The following UBE2D1 variants were observed in gnomAD, a reference collection of about 807,000 sequenced individuals.
UBE2D1 encodes the protein ubiquitin-conjugating enzyme E2 D1.
A neutral mutation model predicts 24.6 loss-of-function variants in UBE2D1; 9 were observed. The observed-to-expected ratio is 0.37, with a 90% confidence interval of 0.22 to 0.64. UBE2D1 has a LOEUF of 0.64. Ranked by LOEUF, UBE2D1 falls within the 30% of genes least tolerant of loss-of-function variation. The pLI, the probability that UBE2D1 is intolerant of heterozygous loss-of-function variation, is 0.64. For synonymous variants in UBE2D1, 57 were observed against 57.6 expected, an observed-to-expected ratio of 0.99 and a Z score of 0.04; for missense variants, 87 against 177.1, an observed-to-expected ratio of 0.49 and a Z score of 2.89.
At chr10:58,335,304 C>A in intron 1 of UBE2D1, 79 bp downstream of exon 1, 1 of 1,416,244 alleles carries the variant, frequency 7.1e-7, no homozygotes, top group Non-Finnish European at 9.3e-7. Flanking sequence ...TCCCGAGAGA[C>A]ATGCGGGGAG....
At chr10:58,349,025 T>C (rs1489274458) in intron 1 of UBE2D1, among the ~76,000 whole-genome samples, 1 of 152,212 alleles carries the variant, frequency 6.6e-6, no homozygotes, top group Non-Finnish European at 1.5e-5. Flanking sequence ...AAATTCAGTT[T>C]CAGACCTTTC....
rs1462054678 is a variant in UBE2D1, at chr10:58,359,010, A to AT, written c.25-2325dup. 4.1e-5 allele frequency among the ~76,000 whole-genome samples: 4 copies of AT among 96,456 alleles called. No individual in the cohort carries two copies. In the East Asian group the frequency reaches 7.2e-4, roughly 17 times the overall value. 63.3% of individuals were successfully genotyped at this position (96,456 alleles called of 152,430 possible). On this transcript the variant is annotated intron_variant, in intron 1 of 6. Coordinates refer to ENST00000373910, the MANE Select transcript of UBE2D1 (RefSeq NM_003338.5). ...ACTAGGAAGAGAAACCGCACCAGCT[A>AT]TTTAAAAAAAAAAAAAAAAAAAGCA...
intron 1 of UBE2D1, among the ~76,000 whole-genome samples, chr10:58,347,595 A>G (rs1345909597): frequency 6.6e-6 from 1 of 151,542 alleles, no homozygotes; most frequent in Admixed American, 6.6e-5. Flanking sequence ...CTGAGTAAAT[A>G]ATGTCTGTAA....
chr10:58,369,033 C>A lies in UBE2D1; in HGVS notation c.*268C>A, dbSNP rs1383392583. 1 of 242,512 alleles carries A rather than the reference C, an allele frequency of 4.1e-6. No homozygotes were observed. Among genetic ancestry groups the A allele is most frequent in the Non-Finnish European group, 7.9e-6 (1 of 125,966 alleles). 15.0% of individuals were successfully genotyped at this position (242,512 alleles called of 1,614,324 possible). A position where few individuals can be genotyped will look rare whatever the true frequency, so the allele number is the denominator to read the frequency against. On this transcript the variant is annotated 3_prime_UTR_variant, in exon 7 of 7. Coordinates refer to ENST00000373910, the MANE Select transcript of UBE2D1 (RefSeq NM_003338.5). ...CTTGGACATCTGCATCTTCAGCTTA[C>A]AAGATCTACAATGCAGCTGAAAAGC...
intron 1 of UBE2D1, among the ~76,000 whole-genome samples, chr10:58,357,346 G>C (rs1840142276): frequency 6.6e-6 from 1 of 152,168 alleles, no homozygotes; most frequent in African/African-American, 2.4e-5. Context: ...AGAAAGCATA[G>C]ATCAGGTAGT....
rs1840291424 is a variant in UBE2D1, at chr10:58,369,475, G to A, written c.*710G>A. ...TAATTGCACTGCTAAGTAGGAAGATGTGTAACTTTTATTTGTTGCTATTCA... is the reference window on the plus strand; with the variant it reads ...TAATTGCACTGCTAAGTAGGAAGATATGTAACTTTTATTTGTTGCTATTCA... On this transcript the variant is annotated 3_prime_UTR_variant, in exon 7 of 7. Coordinates refer to ENST00000373910, the MANE Select transcript of UBE2D1 (RefSeq NM_003338.5). The A allele has an allele frequency of 1.3e-5, 2 of 152,518 alleles. No individual in the cohort carries two copies. The highest frequency in any genetic ancestry group is 4.1e-4 in the South Asian group (2 of 4,826). 9.4% of individuals were successfully genotyped at this position (152,518 alleles called of 1,614,324 possible).
chr10:58,336,620 A>T (rs1839906168), intron 1 of UBE2D1, among the ~76,000 whole-genome samples: 1 of 152,230 alleles, frequency 6.6e-6, no homozygotes, highest in South Asian at 2.1e-4. Flanking sequence ...GTTTGAAGGT[A>T]GCGCAATTAC....
chr10:58,340,745 G>C (rs1411855260), intron 1 of UBE2D1, among the ~76,000 whole-genome samples: 1 of 152,100 alleles, frequency 6.6e-6, no homozygotes, highest in African/African-American at 2.4e-5. Flanking sequence ...AAATTTCCTA[G>C]TAGCCACGTT....
chr10:58,346,151 C>A (rs1840013643), intron 1 of UBE2D1, among the ~76,000 whole-genome samples: 1 of 151,972 alleles, frequency 6.6e-6, no homozygotes, highest in South Asian at 2.1e-4. Flanking sequence ...GCTGGGACTA[C>A]AGGCGTGCAC....
rs751137151 is a variant in UBE2D1, at chr10:58,335,161, C to T, written c.-41C>T. On this transcript the variant is annotated 5_prime_UTR_variant, in exon 1 of 7. Coordinates refer to ENST00000373910, the MANE Select transcript of UBE2D1 (RefSeq NM_003338.5). Reference sequence around the variant, plus strand: ...GACCCACGCCCCTGAGCCCCGCAGCCGACCCCTGCCGGCCGGTGTCCCCAC... The same window carrying T: ...GACCCACGCCCCTGAGCCCCGCAGCTGACCCCTGCCGGCCGGTGTCCCCAC... 25 of 1,537,336 alleles carry T rather than the reference C, an allele frequency of 1.6e-5. No homozygotes were observed. The highest frequency in any genetic ancestry group is 2.2e-5 in the Non-Finnish European group (25 of 1,144,858).
rs868793258 is a variant in UBE2D1, at chr10:58,364,844, C to G, written c.272C>G (p.Ser91Ter). The stretch of plus-strand genomic sequence containing the variant: ...AGTATTTGTCTCGATATTCTGAGGT[C>G]ACAATGGTCACCAGCTCTGACTGTA... Reference protein sequence around the residue: ...NGSICLDILRSQWSPALTVSK... With the variant: ...NGSICLDILR Residue 91 changes from serine to a stop codon, truncating the protein, a stop_gained, in exon 5 of 7, where the codon TCA (serine) becomes TGA (stop). Coordinates refer to ENST00000373910, the MANE Select transcript of UBE2D1 (RefSeq NM_003338.5). LOFTEE classifies it high-confidence loss of function. 1 of 1,613,622 alleles carries G rather than the reference C, an allele frequency of 6.2e-7. No homozygotes were observed. Among genetic ancestry groups the G allele is most frequent in the Non-Finnish European group, 8.5e-7 (1 of 1,179,730 alleles).
chr10:58,343,487 C>A (rs1254394822), intron 1 of UBE2D1, among the ~76,000 whole-genome samples: 1 of 151,864 alleles, frequency 6.6e-6, no homozygotes, highest in African/African-American at 2.4e-5. Flanking sequence ...ACATAAGATC[C>A]TTAGGTAAAA....
At chr10:58,365,609 G>C (rs1484829440) in intron 5 of UBE2D1, among the ~76,000 whole-genome samples, 1 of 152,112 alleles carries the variant, frequency 6.6e-6, no homozygotes. Flanking sequence ...TGGATTATCA[G>C]GTGTATACAT....
chr10:58,361,227 A>G (rs1840194237), intron 1 of UBE2D1, 111 bp from the exon 2 acceptor site: 4 of 1,079,112 alleles, frequency 3.7e-6, no homozygotes, highest in Non-Finnish European at 4.1e-6. Context: ...TATTTTGAAT[A>G]GAACTGCTTT....
intron 1 of UBE2D1, among the ~76,000 whole-genome samples, chr10:58,359,906 C>T (rs1840175926): frequency 6.6e-6 from 1 of 152,290 alleles, no homozygotes; most frequent in Non-Finnish European, 1.5e-5. Context: ...TATCTCACAT[C>T]TACCACTTCT....
rs1353629709 is a variant in UBE2D1, at chr10:58,335,233, C to T, written c.24+8C>T. ...CTGAAGAGGATTCAGAAAGTGAGTGCCGGGGCCGGGCCTGGGGCTGCGGGG... is the reference window on the plus strand; with the variant it reads ...CTGAAGAGGATTCAGAAAGTGAGTGTCGGGGCCGGGCCTGGGGCTGCGGGG... On this transcript the variant is annotated splice_region_variant and intron_variant, in intron 1 of 6. Transcript: ENST00000373910. 5 of 1,537,736 alleles carry T rather than the reference C, an allele frequency of 3.3e-6. No homozygotes were observed. Among genetic ancestry groups the T allele is most frequent in the Non-Finnish European group, 3.5e-6 (4 of 1,144,494 alleles).
intron 1 of UBE2D1, among the ~76,000 whole-genome samples, chr10:58,352,599 A>G (rs1840089482): frequency 6.6e-6 from 1 of 152,066 alleles, no homozygotes; most frequent in African/African-American, 2.4e-5. Flanking sequence ...TCGAAAAAAA[A>G]AATTACTATT....
intron 1 of UBE2D1, among the ~76,000 whole-genome samples, chr10:58,345,232 A>T (rs1012737661): frequency 6.6e-6 from 1 of 152,078 alleles, no homozygotes; most frequent in Non-Finnish European, 1.5e-5. Flanking sequence ...GAACTTTGGG[A>T]GACCGAGGCA....
rs1290223752 is a variant in UBE2D1, at chr10:58,370,221, A to G, written c.*1456A>G. The G allele has an allele frequency of 6.6e-6, 1 of 152,148 alleles. No homozygotes were observed. The highest frequency in any genetic ancestry group is 1.5e-5 in the Non-Finnish European group (1 of 67,922). The allele number at this position is 152,148 out of a possible 1,614,324, so 9.4% of individuals were successfully genotyped here. A position where few individuals can be genotyped will look rare whatever the true frequency, so the allele number is the denominator to read the frequency against. On this transcript the variant is annotated 3_prime_UTR_variant, in exon 7 of 7. Coordinates refer to ENST00000373910, the MANE Select transcript of UBE2D1 (RefSeq NM_003338.5). Reference sequence around the variant, plus strand: ...ACTTGGGGAAAAATACATCTCTTTAATGTTTAGCATGCTTGTCAACCTTGA... The same window carrying G: ...ACTTGGGGAAAAATACATCTCTTTAGTGTTTAGCATGCTTGTCAACCTTGA...
Sources: gnomAD v4.1 joint callset for allele counts (sites outside exome capture counted in the v4.1 genomes callset) on GRCh38, gnomAD v4.1.1 for gene constraint, MANE v1.5 for transcripts, NCBI Gene and HGNC (gene_info 2026-07-23, HGNC 2026-07-21) for gene names.